Variants in TAFA1 observed in about 807,000 individuals in gnomAD.
TAFA1 encodes the protein chemokine-like protein TAFA-1.
TAFA1 carries 4 observed loss-of-function variants against 18.5 expected under a neutral mutation model. The observed-to-expected ratio is 0.22, with a 90% CI of 0.11 to 0.49. TAFA1 has a LOEUF of 0.49. TAFA1 is among the 20% of genes least tolerant of loss of function. The pLI, the probability that TAFA1 is intolerant of heterozygous loss-of-function variation, is 0.98. For synonymous variants in TAFA1, 56 were observed against 55.2 expected, an observed-to-expected ratio of 1.01 and a Z score of -0.06; for missense variants, 147 against 169.0, an observed-to-expected ratio of 0.87 and a Z score of 0.72.
chr3:68,008,053 G>C (rs1214428932), intron 2 of TAFA1, among the ~76,000 whole-genome samples: 2 of 152,244 alleles, frequency 1.3e-5, no homozygotes, highest in African/African-American at 2.4e-5. Flanking sequence ...GCTTGTGCTA[G>C]GGGCTGAGGC....
At chr3:68,467,778 G>A (rs939157537) in intron 3 of TAFA1, among the ~76,000 whole-genome samples, 2 of 152,182 alleles carry the variant, frequency 1.3e-5, no homozygotes, top group African/African-American at 4.8e-5. Flanking sequence ...TCAAGGGCAG[G>A]GGGTTCTGGC....
intron 3 of TAFA1, among the ~76,000 whole-genome samples, chr3:68,465,745 G>C (rs894533550): frequency 9.9e-5 from 15 of 152,126 alleles, no homozygotes; most frequent in African/African-American, 3.1e-4. Flanking sequence ...GAGGGATATG[G>C]CCTCTGAAGG....
intron 2 of TAFA1, among the ~76,000 whole-genome samples, chr3:68,225,884 A>G (rs576436444): frequency 1.1e-5 from 1 of 92,878 alleles, no homozygotes; most frequent in African/African-American, 3.3e-5. Context: ...TGCTGTAAGC[A>G]TAAAAAAAAA....
chr3:68,381,318 T>G lies in TAFA1; in HGVS notation c.119-35962T>G, dbSNP rs1306964259. On this transcript the variant is annotated intron_variant, in intron 2 of 4. Coordinates refer to ENST00000478136, the MANE Select transcript of TAFA1 (RefSeq NM_213609.4). ...CCAATTCTGTGAAGAAAGTCATTGG[T>G]AGCTTGATGGGGATGGCATTGAATC... is the stretch of plus-strand genomic sequence containing the variant. 2.6e-5 allele frequency among the ~76,000 whole-genome samples: 4 copies of G among 151,524 alleles called. No individual in the cohort carries two copies. The East Asian group carries it at 7.8e-4, about 29-fold the overall frequency.
At chr3:68,523,658 C>G (rs1460856521) in intron 3 of TAFA1, among the ~76,000 whole-genome samples, 2 of 152,132 alleles carry the variant, frequency 1.3e-5, no homozygotes, top group African/African-American at 4.8e-5. Flanking sequence ...CTCTTAATAA[C>G]TATTCAGTAT....
intron 2 of TAFA1, among the ~76,000 whole-genome samples, chr3:68,137,332 G>A (rs377746702): frequency 1.3e-4 from 19 of 151,942 alleles, no homozygotes; most frequent in African/African-American, 4.3e-4. Context: ...CTTGACAAGT[G>A]TTGACCTCCC....
At chr3:68,474,306 G>A (rs2072051878) in intron 3 of TAFA1, among the ~76,000 whole-genome samples, 3 of 152,012 alleles carry the variant, frequency 2.0e-5, no homozygotes, top group Non-Finnish European at 4.4e-5. Flanking sequence ...TTCTCTAAAG[G>A]GGCTAGAAAC....
At chr3:68,503,350 G>T (rs562991776) in intron 3 of TAFA1, among the ~76,000 whole-genome samples, 58 of 152,108 alleles carry the variant, frequency 3.8e-4, no homozygotes, top group Non-Finnish European at 7.1e-4. Context: ...CTTGTCACAA[G>T]CATTTCAAAT....
intron 2 of TAFA1, among the ~76,000 whole-genome samples, chr3:68,209,000 C>G (rs1004172192): frequency 6.6e-6 from 1 of 151,964 alleles, no homozygotes; most frequent in Admixed American, 6.6e-5. Flanking sequence ...ACTGCCATTT[C>G]ATGGATGGGG....
intron 2 of TAFA1, among the ~76,000 whole-genome samples, chr3:68,160,743 A>G (rs998196084): frequency 1.3e-5 from 2 of 152,170 alleles, no homozygotes; most frequent in African/African-American, 2.4e-5. Context: ...TGGGGACAGG[A>G]TTTCCATTCA....
At chr3:68,534,023 G>GTA (rs1009990756) in intron 3 of TAFA1, among the ~76,000 whole-genome samples, 6 of 152,106 alleles carry the variant, frequency 3.9e-5, no homozygotes, top group South Asian at 4.2e-4. Context: ...TATTTTACCC[G>GTA]TATATATATG....
intron 2 of TAFA1, among the ~76,000 whole-genome samples, chr3:68,041,323 C>T (rs113176214): frequency 6.6e-6 from 1 of 152,174 alleles, no homozygotes; most frequent in African/African-American, 2.4e-5. Context: ...TACCAAAATT[C>T]AGTTTTTGTA....
At chr3:68,351,692 CAAAT>C (rs1235878606) in intron 2 of TAFA1, among the ~76,000 whole-genome samples, 2 of 151,842 alleles carry the variant, frequency 1.3e-5, no homozygotes, top group Non-Finnish European at 2.9e-5. Flanking sequence ...AGGGAGAAGA[CAAAT>C]AACTGGAAGA....
At chr3:68,432,152 C>T (rs560825180) in intron 3 of TAFA1, among the ~76,000 whole-genome samples, 1 of 151,820 alleles carries the variant, frequency 6.6e-6, no homozygotes, top group Non-Finnish European at 1.5e-5. Context: ...TGCTTTCTCC[C>T]TTTTCTCCTG....
intron 2 of TAFA1, among the ~76,000 whole-genome samples, chr3:68,078,313 G>T (rs1235299060): frequency 6.6e-6 from 1 of 151,556 alleles, no homozygotes; most frequent in Admixed American, 6.6e-5. Flanking sequence ...TCCTTCTCCT[G>T]CCTGATTGCC....
At chr3:68,489,774 C>T (rs577456524) in intron 3 of TAFA1, among the ~76,000 whole-genome samples, 30 of 152,006 alleles carry the variant, frequency 2.0e-4, no homozygotes, top group Non-Finnish European at 1.8e-4. Context: ...AAAAGAATGG[C>T]CATTTTCTTA....
chr3:68,045,783 A>C (rs1559715535), intron 2 of TAFA1, among the ~76,000 whole-genome samples: 1 of 151,928 alleles, frequency 6.6e-6, no homozygotes. Context: ...GTCCTTTTCC[A>C]CTCTTTAATC....
At chr3:68,342,152 A>C (rs546423196) in intron 2 of TAFA1, among the ~76,000 whole-genome samples, 79 of 152,302 alleles carry the variant, frequency 5.2e-4, no homozygotes, top group African/African-American at 1.8e-3. Context: ...GGCAAAAATA[A>C]GATAAAGGGA....
At chr3:68,270,181 G>C (rs940462386) in intron 2 of TAFA1, among the ~76,000 whole-genome samples, 6 of 152,118 alleles carry the variant, frequency 3.9e-5, no homozygotes, top group African/African-American at 1.2e-4. Flanking sequence ...GGCACTAACT[G>C]ATTGCGCCAC....
Sources: gnomAD v4.1 joint callset for allele counts (sites outside exome capture counted in the v4.1 genomes callset) on GRCh38, gnomAD v4.1.1 for gene constraint, MANE v1.5 for transcripts, NCBI Gene and HGNC (gene_info 2026-07-23, HGNC 2026-07-21) for gene names.